The following SNTG1 variants were observed in gnomAD, a reference collection of about 807,000 sequenced individuals.
SNTG1 encodes gamma-1-syntrophin.
A neutral mutation model predicts 74.7 loss-of-function variants in SNTG1; 39 were observed. That is an observed-to-expected ratio of 0.52 (90% CI 0.40 to 0.68). The LOEUF is 0.68. SNTG1 is among the 30% of genes least tolerant of loss of function. SNTG1 has a pLI of 0.00. For synonymous variants in SNTG1, 254 were observed against 217.1 expected (o/e 1.17, Z -1.49); for missense variants, 685 against 609.5 (o/e 1.12, Z -1.30).
At chr8:49,988,321 A>G (rs1813363509) in intron 1 of SNTG1, among the ~76,000 whole-genome samples, 1 of 152,184 alleles carries the variant, frequency 6.6e-6, no homozygotes, top group Non-Finnish European at 1.5e-5. Flanking sequence ...AAGTTACAGT[A>G]ACTTCTAGAT....
intron 1 of SNTG1, among the ~76,000 whole-genome samples, chr8:50,107,453 A>T (rs935044049): frequency 2.0e-5 from 3 of 152,206 alleles, no homozygotes; most frequent in African/African-American, 7.2e-5. Flanking sequence ...TGTTATATTT[A>T]ATAACTAGAA....
At chr8:50,732,736 A>G (rs952767204) in intron 17 of SNTG1, among the ~76,000 whole-genome samples, 3 of 151,848 alleles carry the variant, frequency 2.0e-5, no homozygotes, top group Non-Finnish European at 4.4e-5. Context: ...TTTCCACATA[A>G]CCTTACTAGC....
At chr8:50,059,605 T>C (rs1586093083) in intron 1 of SNTG1, among the ~76,000 whole-genome samples, 1 of 152,138 alleles carries the variant, frequency 6.6e-6, no homozygotes, top group African/African-American at 2.4e-5. Flanking sequence ...ATATGCGACT[T>C]TTGTGATTCA....
At chr8:50,594,254 T>G (rs1563623836) in intron 13 of SNTG1, among the ~76,000 whole-genome samples, 1 of 152,172 alleles carries the variant, frequency 6.6e-6, no homozygotes, top group Non-Finnish European at 1.5e-5. Context: ...AGGTTATAAT[T>G]TATTATGTGT....
At chr8:50,142,333 C>A (rs1167263134) in intron 1 of SNTG1, among the ~76,000 whole-genome samples, 1 of 151,918 alleles carries the variant, frequency 6.6e-6, no homozygotes, top group South Asian at 2.1e-4. Context: ...AATACAAGGA[C>A]ATAAAGTTTA....
chr8:50,311,875 T>C (rs956729918), intron 2 of SNTG1, among the ~76,000 whole-genome samples: 8 of 152,224 alleles, frequency 5.3e-5, no homozygotes, highest in Non-Finnish European at 1.2e-4. Flanking sequence ...CAAGTACTAG[T>C]CTTTGCATTT....
rs1422268807 is a variant in SNTG1, at chr8:50,637,817, T to C, written c.850-19092T>C. ...TATCTTTATCTGTATAAATATTATT[T>C]TATTGTTCAATTAAATTACTGTAAG... On this transcript the variant is annotated intron_variant, in intron 13 of 18. Transcript: ENST00000642720. Among the ~76,000 whole-genome samples, 4 of 152,130 alleles carry C rather than the reference T, an allele frequency of 2.6e-5. 1 individual carries two copies. Among genetic ancestry groups the C allele is most frequent in the Admixed American group, 1.3e-4 (2 of 15,268 alleles).
chr8:50,514,277 G>C (rs568762294), intron 9 of SNTG1, among the ~76,000 whole-genome samples: 378 of 151,864 alleles, frequency 2.5e-3, no homozygotes, highest in African/African-American at 8.9e-3. Context: ...TCTTTTTCTA[G>C]TTTTTGAATG....
At chr8:50,227,643 A>G (rs2085399197) in intron 2 of SNTG1, among the ~76,000 whole-genome samples, 1 of 152,098 alleles carries the variant, frequency 6.6e-6, no homozygotes, top group African/African-American at 2.4e-5. Context: ...GCATCAACGC[A>G]GCTCCAGTAA....
chr8:50,052,101 C>A (rs901234677), intron 1 of SNTG1, among the ~76,000 whole-genome samples: 2 of 151,738 alleles, frequency 1.3e-5, no homozygotes, highest in African/African-American at 4.8e-5. Flanking sequence ...TGAAACAATT[C>A]CAAAAAGATA....
At chr8:50,650,234 T>C (rs1003142429) in intron 13 of SNTG1, among the ~76,000 whole-genome samples, 3 of 152,138 alleles carry the variant, frequency 2.0e-5, no homozygotes, top group Admixed American at 2.0e-4. Context: ...CATTTTTTCT[T>C]CGTTTTTTGA....
At chr8:50,721,664 T>G (rs1429839543) in intron 17 of SNTG1, among the ~76,000 whole-genome samples, 1 of 152,176 alleles carries the variant, frequency 6.6e-6, no homozygotes, top group Admixed American at 6.5e-5. Flanking sequence ...TAGGTCAGAA[T>G]AAAAGAAGAA....
intron 8 of SNTG1, among the ~76,000 whole-genome samples, chr8:50,476,563 G>A (rs1299508189): frequency 6.6e-6 from 1 of 152,150 alleles, no homozygotes; most frequent in Non-Finnish European, 1.5e-5. Flanking sequence ...GGTCTGTGTG[G>A]TAATGGATAG....
At chr8:49,959,817 CA>C (rs1810519646) in intron 1 of SNTG1, among the ~76,000 whole-genome samples, 1 of 152,246 alleles carries the variant, frequency 6.6e-6, no homozygotes, top group Admixed American at 6.5e-5. Flanking sequence ...TTTTAGAATA[CA>C]AATGGTAACC....
At chr8:50,772,483 T>C (rs1269366167) in intron 18 of SNTG1, among the ~76,000 whole-genome samples, 3 of 152,168 alleles carry the variant, frequency 2.0e-5, no homozygotes, top group African/African-American at 4.8e-5. Flanking sequence ...TAACTTGCTC[T>C]TGATTTCACA....
In SNTG1 at chr8:50,796,293, A is replaced by G. The variant is rs1802809327; in HGVS notation, c.*3464A>G. ...GTAGATGTTCGGATACTAATAACAA[A>G]GATTTTGCTACTATTAATATTGCTG... On this transcript the variant is annotated 3_prime_UTR_variant, in exon 19 of 19. Transcript: ENST00000642720. 1 of 150,732 alleles carries G rather than the reference A, an allele frequency of 6.6e-6. No homozygotes were observed. Among genetic ancestry groups the G allele is most frequent in the African/African-American group, 2.4e-5 (1 of 40,978 alleles). The allele number at this position is 150,732 out of a possible 1,614,324, so 9.3% of individuals were successfully genotyped here. A position where few individuals can be genotyped will look rare whatever the true frequency, so the allele number is the denominator to read the frequency against.
chr8:50,513,871 G>A (rs139675620), intron 9 of SNTG1, among the ~76,000 whole-genome samples: 4,537 of 152,256 alleles, frequency 0.03, 103 homozygotes, highest in Non-Finnish European at 0.046. Flanking sequence ...CCTAGGTGAG[G>A]CAATGCCTCG....
At chr8:49,951,894 A>AACAAAACAAC (rs1809751191) in intron 1 of SNTG1, among the ~76,000 whole-genome samples, 6 of 146,860 alleles carry the variant, frequency 4.1e-5, no homozygotes, top group African/African-American at 1.5e-4. Context: ...AAAAAAAAAA[A>AACAAAACAAC]AAAAAAAAAA....
At chr8:50,168,568 T>C (rs1328719331) in intron 1 of SNTG1, among the ~76,000 whole-genome samples, 5 of 152,066 alleles carry the variant, frequency 3.3e-5, no homozygotes, top group Non-Finnish European at 7.4e-5. Flanking sequence ...TGCATGTGTA[T>C]ATATATATGT....
Sources: allele counts gnomAD v4.1 joint callset (sites outside exome capture counted in the v4.1 genomes callset), GRCh38; gene constraint gnomAD v4.1.1; transcripts MANE v1.5; gene names NCBI Gene and HGNC (gene_info 2026-07-23, HGNC 2026-07-21).